CUL9: variants seen among roughly 807,000 people sequenced by gnomAD.
The protein encoded by CUL9 is cullin-9.
In CUL9, 79 loss-of-function variants were observed where a neutral mutation model predicts 272.6. The observed-to-expected ratio is 0.29, with a 90% CI of 0.24 to 0.35. The LOEUF (loss-of-function observed/expected upper bound fraction) is 0.35. Among genes scored for constraint, CUL9 ranks in the 10% least tolerant of loss-of-function variants. CUL9 has a pLI of 1.00. For synonymous variants in CUL9, 1,186 were observed against 1,286.5 expected (o/e 0.92, Z 1.67); for missense variants, 2,532 against 3,255.6 (o/e 0.78, Z 5.41).
rs1232694754 is a variant in CUL9, at chr6:43,220,590, C to T, written c.6414C>T (p.Val2138=). The change falls in exon 32 of 41, where the codon GTC becomes GTT. Residue 2138 remains valine (V), a synonymous_variant. Coordinates refer to ENST00000252050, the MANE Select transcript of CUL9 (RefSeq NM_015089.4). This position sits in a 1 kb window ranked among gnomAD's most constrained non-coding sequence, Gnocchi z 4.9. ...FIRAIVSSPE[V]ISKYEKALLR... Reference sequence around the variant, plus strand: ...GTGCCATCGTCTCCTCGCCAGAGGTCATCTCCAAGGTATCCCCTCTCGTCT... The same window carrying T: ...GTGCCATCGTCTCCTCGCCAGAGGTTATCTCCAAGGTATCCCCTCTCGTCT... 5 of 1,614,122 alleles carry T rather than the reference C, an allele frequency of 3.1e-6. No individual in the cohort carries two copies. The Admixed American group carries it at 8.3e-5, about 27-fold the overall frequency.
Position 43,187,455 on chromosome 6 carries a change from G to GATAAA in CUL9, c.1581+19_1581+20insAAATA. On this transcript the variant is annotated intron_variant, in intron 6 of 40. Coordinates refer to ENST00000252050, the MANE Select transcript of CUL9 (RefSeq NM_015089.4). ...CCTGGATGAGGTATTATAGGTCTGA[G>GATAAA]ATACCTGGGGGTTTTCTAGTAGGGT... is the stretch of plus-strand genomic sequence containing the variant. 1 of 1,611,922 alleles carries GATAAA rather than the reference G, an allele frequency of 6.2e-7. No individual in the cohort carries two copies. The highest frequency in any genetic ancestry group is 8.5e-7 in the Non-Finnish European group (1 of 1,178,458).
Position 43,185,941 on chromosome 6 carries a change from A to G in CUL9, c.751-14A>G, listed in dbSNP as rs1203094108. The stretch of plus-strand genomic sequence containing the variant: ...AGGAAGAGATGAACCTGTCCCAAGG[A>G]TTGTGTCTTACAGATCCCAGGAAAG... On this transcript the variant is annotated splice_polypyrimidine_tract_variant and intron_variant, in intron 3 of 40. Coordinates refer to ENST00000252050, the MANE Select transcript of CUL9 (RefSeq NM_015089.4). The G allele has an allele frequency of 6.3e-7, 1 of 1,588,858 alleles. No homozygotes were observed. Among genetic ancestry groups the G allele is most frequent in the South Asian group, 1.1e-5 (1 of 87,558 alleles).
chr6:43,213,068 A>G lies in CUL9; in HGVS notation c.5213-81A>G. 1 of 1,504,394 alleles carries G rather than the reference A, an allele frequency of 6.6e-7. No individual in the cohort carries two copies. Among genetic ancestry groups the G allele is most frequent in the Non-Finnish European group, 9.1e-7 (1 of 1,101,074 alleles). The allele number at this position is 1,504,394 out of a possible 1,614,324, so 93.2% of individuals were successfully genotyped here. ...CCTCCTCCCCATAGGGACTAGTAGG[A>G]GCAAAGCTTGACACCTCAACCCCTA... On this transcript the variant is annotated intron_variant, in intron 26 of 40. Coordinates refer to ENST00000252050, the MANE Select transcript of CUL9 (RefSeq NM_015089.4). This position sits in a 1 kb window ranked among gnomAD's most constrained non-coding sequence, Gnocchi z 5.7.
Position 43,187,776 on chromosome 6 carries a change from C to T in CUL9, c.1645C>T (p.Gln549Ter). Residue 549 changes from glutamine to a stop codon, truncating the protein, a stop_gained, in exon 7 of 41, where the codon CAG becomes TAG. Coordinates refer to ENST00000252050, the MANE Select transcript of CUL9 (RefSeq NM_015089.4). LOFTEE classifies it high-confidence loss of function. ...CGTGGAAATGGCCGAGAGTCTGCTG[C>T]AGGTTCTCAGTAGTCGATTTGAGGG... ...VSVEMAESLL[Q>*]VLSSRFEGST... 6.2e-7 allele frequency: 1 copy of T among 1,613,848 alleles called. No individual in the cohort carries two copies. Among genetic ancestry groups the T allele is most frequent in the Non-Finnish European group, 8.5e-7 (1 of 1,179,988 alleles).
Position 43,185,470 on chromosome 6 carries a change from G to A in CUL9, c.610G>A (p.Val204Ile), listed in dbSNP as rs745688307. 6.8e-6 allele frequency: 11 copies of A among 1,613,738 alleles called. No homozygotes were observed. Among genetic ancestry groups the A allele is most frequent in the Non-Finnish European group, 9.3e-6 (11 of 1,179,986 alleles). ...ATGGATTACAGGGAGTCGGGCTCAC[G>A]TCCTTCTATCACTGAGCCAGCAAGA... ...AAHDAGSRAH[V>I]LLSLSQQDGI... The change falls in exon 3 of 41, where the codon GTC (valine) becomes ATC (isoleucine). Residue 204 changes from valine (V) to isoleucine (I), a missense_variant. This residue lies in a region of CUL9 where 2,218 missense variants were observed against 2,788.6 expected (regional missense o/e 0.80). Coordinates refer to ENST00000252050, the MANE Select transcript of CUL9 (RefSeq NM_015089.4).
chr6:43,186,556 C>A, intron 4 of CUL9, 101 bp downstream of exon 4: 1 of 1,461,698 alleles, frequency 6.8e-7, no homozygotes, highest in African/African-American at 1.4e-5. Context: ...CCAAGAAGAA[C>A]CCCCCTGGGG....
intron 26 of CUL9, among the ~76,000 whole-genome samples, chr6:43,209,577 A>T (rs1026264325): frequency 6.6e-6 from 1 of 152,212 alleles, no homozygotes; most frequent in African/African-American, 2.4e-5. Flanking sequence ...AATCTGGAAC[A>T]GTTCCCCATC....
rs1562015094 is a variant in CUL9 at position 43,188,052 on chromosome 6, C to A, written c.1921C>A (p.Leu641Met). 2 of 1,613,756 alleles carry A rather than the reference C, an allele frequency of 1.2e-6. No homozygotes were observed. Among genetic ancestry groups the A allele is most frequent in the East Asian group, 4.5e-5 (2 of 44,856 alleles). ...CCCCATGGCACAGAGTGATTCTCAG[C>A]TGTTTAACCAGCTTCTGGTGACTGA... ...ETPMAQSDSQ[L>M]FNQLLVTEGM... is the part of the protein sequence containing the mutation. The change falls in exon 7 of 41, where the codon CTG becomes ATG. Residue 641 changes from leucine to methionine, a missense_variant. Leu to Met is a conservative substitution (Grantham distance 15). Coordinates refer to ENST00000252050, the MANE Select transcript of CUL9 (RefSeq NM_015089.4).
At chr6:43,201,378 T>C (rs1307966617) in intron 16 of CUL9, among the ~76,000 whole-genome samples, 1 of 152,224 alleles carries the variant, frequency 6.6e-6, no homozygotes, top group Non-Finnish European at 1.5e-5. Flanking sequence ...ATTCTAGGCA[T>C]AAGGACAGCA....
chr6:43,219,221 T>C (rs1309729687), intron 31 of CUL9, among the ~76,000 whole-genome samples: 1 of 151,876 alleles, frequency 6.6e-6, no homozygotes, highest in African/African-American at 2.4e-5. Flanking sequence ...ACAAGGGGCC[T>C]GAAAACCAGG....
At chr6:43,191,574 C>T (rs1773516140) in intron 8 of CUL9, among the ~76,000 whole-genome samples, 1 of 148,580 alleles carries the variant, frequency 6.7e-6, no homozygotes, top group Non-Finnish European at 1.5e-5. Context: ...TCAAGCAAGG[C>T]CTCAGTCAAT....
In CUL9 at chr6:43,204,998, T is replaced by C. The variant is rs750576075; in HGVS notation, c.4515T>C (p.Tyr1505=). 5.1e-5 allele frequency: 83 copies of C among 1,613,388 alleles called. No homozygotes were observed. Among genetic ancestry groups the C allele is most frequent in the Non-Finnish European group, 6.7e-5 (79 of 1,179,658 alleles). The change falls in exon 23 of 41, where the codon TAT becomes TAC. Residue 1505 remains tyrosine (Y), a synonymous_variant. Transcript: ENST00000252050. ...PDFVPRYCKL[Y]EHLQRAGSEL... Reference sequence around the variant, plus strand: ...TTGTGCCTCGTTACTGTAAACTCTATGAGCACTTGCAGAGAGCAGGCTCCG... The same window carrying C: ...TTGTGCCTCGTTACTGTAAACTCTACGAGCACTTGCAGAGAGCAGGCTCCG...
In CUL9 at chr6:43,203,798, G is replaced by A; in HGVS notation, c.4026-56G>A. 1 of 1,555,178 alleles carries A rather than the reference G, an allele frequency of 6.4e-7. No individual in the cohort carries two copies. The highest frequency in any genetic ancestry group is 8.7e-7 in the Non-Finnish European group (1 of 1,146,886). Reference sequence around the variant, plus strand: ...TTGGGAGCTGATCTGCACTTGAATGGAGGCCTCTGGGAAATCGGTGCCATT... The same window carrying A: ...TTGGGAGCTGATCTGCACTTGAATGAAGGCCTCTGGGAAATCGGTGCCATT... On this transcript the variant is annotated intron_variant, in intron 19 of 40. Coordinates refer to ENST00000252050, the MANE Select transcript of CUL9 (RefSeq NM_015089.4). The surrounding 1 kb of genome is among the most constrained non-coding windows in gnomAD (Gnocchi z 5.0).
chr6:43,185,648 G>GTTTTTTTTTTTTTTTTTTTTTT, intron 3 of CUL9, 38 bp downstream of exon 3: 1 of 1,584,546 alleles, frequency 6.3e-7, no homozygotes, highest in East Asian at 2.3e-5. Context: ...GTGTACAAGG[G>GTTTTTTTTTTTTTTTTTTTTTT]CTAAGACATT....
intron 26 of CUL9, among the ~76,000 whole-genome samples, chr6:43,207,221 C>A (rs911528007): frequency 5.3e-5 from 8 of 152,162 alleles, no homozygotes; most frequent in Non-Finnish European, 1.0e-4. Flanking sequence ...CATGTATCTA[C>A]CTCCCTCATA....
In CUL9 at chr6:43,206,364, A is replaced by G; in HGVS notation, c.5066A>G (p.Glu1689Gly). The change falls in exon 26 of 41, where the codon GAA (glutamate) becomes GGA (glycine). Residue 1689 changes from glutamate (E) to glycine (G), a missense_variant. Physicochemically the swap from Glu to Gly is moderately conservative, Grantham distance 98. This residue lies in a region of CUL9 where 2,218 missense variants were observed against 2,788.6 expected (regional missense o/e 0.80). Coordinates refer to ENST00000252050, the MANE Select transcript of CUL9 (RefSeq NM_015089.4). The surrounding 1 kb of genome is among the most constrained non-coding windows in gnomAD (Gnocchi z 4.8). ...EEEAEKELFI[E>G]DPSPAISILV... ...GAAGCTGAGAAAGAATTATTTATCG[A>G]AGATCCAAGTCCAGCCATTTCTATA... 6.2e-7 allele frequency: 1 copy of G among 1,614,198 alleles called. No homozygotes were observed. The highest frequency in any genetic ancestry group is 1.3e-5 in the African/African-American group (1 of 75,042).
Position 43,187,238 on chromosome 6 carries a change from G to T in CUL9, c.1388-8G>T. The T allele has an allele frequency of 6.2e-7, 1 of 1,613,468 alleles. No individual in the cohort carries two copies. On this transcript the variant is annotated splice_polypyrimidine_tract_variant and splice_region_variant and intron_variant, in intron 5 of 40. Transcript: ENST00000252050. ...GGGTGCTGATGCCCGCCATGCCTGT[G>T]TCCTCAGCATTTCCCTCCTGGGACT...
intron 9 of CUL9, among the ~76,000 whole-genome samples, chr6:43,194,118 A>G (rs1386687483): frequency 6.6e-6 from 1 of 152,104 alleles, no homozygotes; most frequent in Non-Finnish European, 1.5e-5. Context: ...GTGTGGGCAG[A>G]GGAGCTCTGT....
At position 43,213,967 on chromosome 6, in the gene CUL9, TG is replaced by T; in HGVS notation, c.5688+59del. ...GGAGGGAGGGAGTCATGCTTGGGAT[TG>T]GGGATGAACACAGTGAACTCTTTCA... is the stretch of plus-strand genomic sequence containing the variant. On this transcript the variant is annotated intron_variant, in intron 29 of 40. Coordinates refer to ENST00000252050, the MANE Select transcript of CUL9 (RefSeq NM_015089.4). This position sits in a 1 kb window ranked among gnomAD's most constrained non-coding sequence, Gnocchi z 5.7. 6.4e-7 allele frequency: 1 copy of T among 1,568,056 alleles called. No individual in the cohort carries two copies. The highest frequency in any genetic ancestry group is 8.8e-7 in the Non-Finnish European group (1 of 1,139,410).
Sources: allele counts gnomAD v4.1 joint callset (sites outside exome capture counted in the v4.1 genomes callset), GRCh38; gene constraint gnomAD v4.1.1; regional missense constraint gnomAD v4.1.1; non-coding constraint Gnocchi (gnomAD v3.1); transcripts MANE v1.5; gene names NCBI Gene and HGNC (gene_info 2026-07-23, HGNC 2026-07-21).